Variants in ECT2L observed in about 807,000 individuals in gnomAD.
ECT2L encodes epithelial cell-transforming sequence 2 oncogene-like.
Under a neutral mutation model 122.8 loss-of-function variants are expected in ECT2L, and 126 were observed. That is an observed-to-expected ratio of 1.03 (90% confidence interval 0.89 to 1.19). The LOEUF is 1.19. Among genes scored for constraint, ECT2L ranks in the 50% most tolerant of loss-of-function variants. The pLI, the probability that ECT2L is intolerant of heterozygous loss-of-function variation, is 0.00. For synonymous variants in ECT2L, 385 were observed against 381.8 expected (o/e 1.01, Z -0.10); for missense variants, 1,012 against 1,064.1 (o/e 0.95, Z 0.68).
At chr6:138,860,282 T>C (rs1466891199) in intron 10 of ECT2L, among the ~76,000 whole-genome samples, 1 of 152,246 alleles carries the variant, frequency 6.6e-6, no homozygotes, top group Non-Finnish European at 1.5e-5. Flanking sequence ...AGCTTGACTT[T>C]TAGGTCTGTG....
chr6:138,821,100 C>T (rs1434269284), intron 4 of ECT2L, among the ~76,000 whole-genome samples: 1 of 152,242 alleles, frequency 6.6e-6, no homozygotes, highest in African/African-American at 2.4e-5. Flanking sequence ...TCTACTCCTC[C>T]TTGAAGGCAG....
chr6:138,799,420 AT>A (rs558548529), intron 1 of ECT2L, among the ~76,000 whole-genome samples: 1 of 150,672 alleles, frequency 6.6e-6, no homozygotes, highest in South Asian at 2.1e-4. Flanking sequence ...CGCCCGGCTT[AT>A]TTTTTTTGCA....
At chr6:138,891,813 TAC>T (rs1423717977) in intron 20 of ECT2L, among the ~76,000 whole-genome samples, 2 of 141,352 alleles carry the variant, frequency 1.4e-5, no homozygotes, top group African/African-American at 5.2e-5. Context: ...AAATCTATTT[TAC>T]ACAGTTTGAC....
At chr6:138,851,063 G>C (rs1216075953) in intron 9 of ECT2L, among the ~76,000 whole-genome samples, 2 of 149,450 alleles carry the variant, frequency 1.3e-5, no homozygotes, top group African/African-American at 4.9e-5. Context: ...AATTCTCGAT[G>C]CTGTTTTCCA....
intron 16 of ECT2L, 149 bp downstream of exon 16, chr6:138,883,020 A>G: frequency 1.2e-6 from 1 of 856,038 alleles, no homozygotes; most frequent in Non-Finnish European, 1.8e-6. Context: ...TGAGGACAGG[A>G]ACCCTGACTT....
At chr6:138,807,045 C>G (rs1335404245) in intron 1 of ECT2L, among the ~76,000 whole-genome samples, 1 of 151,744 alleles carries the variant, frequency 6.6e-6, no homozygotes, top group African/African-American at 2.4e-5. Flanking sequence ...TCTTTATCCT[C>G]ATCATCTTCA....
chr6:138,814,478 C>T lies in ECT2L; in HGVS notation c.67-13C>T, dbSNP rs774947512. 1 of 1,554,374 alleles carries T rather than the reference C, an allele frequency of 6.4e-7. No homozygotes were observed. The highest frequency in any genetic ancestry group is 1.1e-5 in the South Asian group (1 of 88,496). Reference sequence around the variant, plus strand: ...TGTACAGCAAATGTCACTTCCTCCCCTCCCCCTTATAGCTCTTTCAGGAAA... The same window carrying T: ...TGTACAGCAAATGTCACTTCCTCCCTTCCCCCTTATAGCTCTTTCAGGAAA... On this transcript the variant is annotated splice_polypyrimidine_tract_variant and intron_variant, in intron 3 of 21. Coordinates refer to ENST00000541398, the MANE Select transcript of ECT2L (RefSeq NM_001077706.3).
chr6:138,855,948 G>A lies in ECT2L; in HGVS notation c.1198+1794G>A, dbSNP rs376355362. ...AAGTGGATTTGGTGACATAAAAATTGTCTCAAGTGAAACTTAATGACACTC... is the reference window on the plus strand; with the variant it reads ...AAGTGGATTTGGTGACATAAAAATTATCTCAAGTGAAACTTAATGACACTC... On this transcript the variant is annotated intron_variant, in intron 10 of 21. Transcript: ENST00000541398. Among the ~76,000 whole-genome samples, 4 of 152,310 alleles carry A rather than the reference G, an allele frequency of 2.6e-5. 1 individual carries two copies. The highest frequency in any genetic ancestry group is 3.9e-4 in the East Asian group (2 of 5,192).
chr6:138,860,340 G>T (rs114524861), intron 10 of ECT2L, among the ~76,000 whole-genome samples: 2,984 of 151,576 alleles, frequency 0.02, 96 homozygotes, highest in African/African-American at 0.068. Flanking sequence ...ATGGATAGAG[G>T]TTAATTTTTT....
intron 1 of ECT2L, among the ~76,000 whole-genome samples, chr6:138,807,947 G>A (rs1395249226): frequency 6.6e-6 from 1 of 151,816 alleles, no homozygotes; most frequent in African/African-American, 2.4e-5. Flanking sequence ...CTGATATCAA[G>A]TAGAGTAAGT....
chr6:138,832,030 T>G (rs1188708117), intron 4 of ECT2L, among the ~76,000 whole-genome samples: 1 of 152,094 alleles, frequency 6.6e-6, no homozygotes, highest in Non-Finnish European at 1.5e-5. Flanking sequence ...TGTCTTCAAT[T>G]TTTTTTATCA....
intron 1 of ECT2L, among the ~76,000 whole-genome samples, chr6:138,806,382 C>T (rs1005147786): frequency 6.6e-6 from 1 of 152,068 alleles, no homozygotes; most frequent in Non-Finnish European, 1.5e-5. Context: ...AGGTCCTTCT[C>T]TGCTTTGGGC....
At chr6:138,806,960 A>C (rs1374532592) in intron 1 of ECT2L, among the ~76,000 whole-genome samples, 1 of 151,946 alleles carries the variant, frequency 6.6e-6, no homozygotes, top group Admixed American at 6.5e-5. Flanking sequence ...TAGAGAAAAA[A>C]ATGTTATTAA....
chr6:138,801,901 T>C (rs1775557292), intron 1 of ECT2L, among the ~76,000 whole-genome samples: 1 of 152,238 alleles, frequency 6.6e-6, no homozygotes, highest in Non-Finnish European at 1.5e-5. Flanking sequence ...AGATTGTCTG[T>C]ATCCCAATTA....
intron 4 of ECT2L, among the ~76,000 whole-genome samples, chr6:138,834,125 A>G (rs1776744500): frequency 6.6e-6 from 1 of 152,240 alleles, no homozygotes; most frequent in Non-Finnish European, 1.5e-5. Context: ...TACACATTGT[A>G]CATTCAGTGG....
At chr6:138,866,152 T>G (rs1273816323) in intron 12 of ECT2L, among the ~76,000 whole-genome samples, 1 of 150,340 alleles carries the variant, frequency 6.7e-6, no homozygotes. Context: ...TTTCATAGTT[T>G]TTTTTTTTTT....
At chr6:138,809,236 T>C (rs1314393954) in intron 1 of ECT2L, among the ~76,000 whole-genome samples, 1 of 152,220 alleles carries the variant, frequency 6.6e-6, no homozygotes, top group Non-Finnish European at 1.5e-5. Flanking sequence ...TGCTGAGATC[T>C]TTTTGTCATG....
At chr6:138,898,292 A>G (rs959012100) in intron 20 of ECT2L, among the ~76,000 whole-genome samples, 1 of 152,152 alleles carries the variant, frequency 6.6e-6, no homozygotes, top group Non-Finnish European at 1.5e-5. Context: ...AGTAAATGTG[A>G]AGCACCCCAC....
intron 10 of ECT2L, among the ~76,000 whole-genome samples, chr6:138,858,740 T>G (rs1777714378): frequency 6.7e-6 from 1 of 149,740 alleles, no homozygotes; most frequent in East Asian, 2.0e-4. Context: ...AGGGTCTGCT[T>G]TGTTGCCTAG....
Sources: gnomAD v4.1 joint callset for allele counts (sites outside exome capture counted in the v4.1 genomes callset) on GRCh38, gnomAD v4.1.1 for gene constraint, MANE v1.5 for transcripts, NCBI Gene and HGNC (gene_info 2026-07-23, HGNC 2026-07-21) for gene names.